Variants in SLC44A5 observed in about 807,000 individuals in gnomAD.
The protein encoded by SLC44A5 is solute carrier family 44 member 5, also known as choline transporter-like protein 5.
In SLC44A5, 57 loss-of-function variants were observed where a neutral mutation model predicts 101.8. That is an observed-to-expected ratio of 0.56 (90% CI 0.45 to 0.70). The LOEUF (loss-of-function observed/expected upper bound fraction) is 0.70. SLC44A5 is among the 30% of genes least tolerant of loss of function. SLC44A5 has a pLI of 0.00. For synonymous variants in SLC44A5, 281 were observed against 290.9 expected, an observed-to-expected ratio of 0.97 and a Z score of 0.35; for missense variants, 737 against 853.1, an observed-to-expected ratio of 0.86 and a Z score of 1.70.
At chr1:75,682,834 G>A in the SLC44A5 span, among the ~76,000 whole-genome samples, 3 of 152,062 alleles carry the variant, frequency 2.0e-5, no homozygotes, top group Non-Finnish European at 4.4e-5. Flanking sequence ...CAAAATGGGA[G>A]AAAATTTTCG....
chr1:75,480,414 A>C (rs1667763826), intron 2 of SLC44A5, among the ~76,000 whole-genome samples: 1 of 152,222 alleles, frequency 6.6e-6, no homozygotes, highest in Admixed American at 6.5e-5. Context: ...GCAATTAGGC[A>C]GGAGAAGGAA....
At chr1:75,579,826 T>TAACACACACACACACACAC (rs1553209307) in intron 1 of SLC44A5, among the ~76,000 whole-genome samples, 1 of 149,962 alleles carries the variant, frequency 6.7e-6, no homozygotes, top group East Asian at 2.0e-4. Flanking sequence ...TTCAACTATC[T>TAACACACACACACACACAC]ACACACACAC....
At chr1:75,433,712 C>A (rs1333874680) in intron 2 of SLC44A5, among the ~76,000 whole-genome samples, 3 of 152,152 alleles carry the variant, frequency 2.0e-5, no homozygotes, top group African/African-American at 4.8e-5. Context: ...TCAAACTAAA[C>A]AGATCTGAAA....
At chr1:75,520,240 A>G (rs1047332438) in intron 2 of SLC44A5, among the ~76,000 whole-genome samples, 3 of 152,160 alleles carry the variant, frequency 2.0e-5, no homozygotes, top group Admixed American at 6.5e-5. Flanking sequence ...TGATGTTGCA[A>G]TCCAGCTACC....
intron 2 of SLC44A5, among the ~76,000 whole-genome samples, chr1:75,411,208 T>A (rs2101508677): frequency 6.6e-6 from 1 of 152,212 alleles, no homozygotes. Flanking sequence ...CTCATTTCAA[T>A]GTATCAATTT....
intron 1 of SLC44A5, among the ~76,000 whole-genome samples, chr1:75,573,214 A>T (rs903137197): frequency 1.3e-5 from 2 of 150,004 alleles, no homozygotes; most frequent in Admixed American, 6.7e-5. Flanking sequence ...TTAGAAATAT[A>T]GATATAACAA....
the SLC44A5 span, among the ~76,000 whole-genome samples, chr1:75,723,021 T>C: frequency 1.3e-5 from 2 of 152,212 alleles, no homozygotes; most frequent in African/African-American, 4.8e-5. Flanking sequence ...TGTTTTTACC[T>C]TTCTCAGCAT....
At chr1:75,413,777 G>C (rs1384123677) in intron 2 of SLC44A5, among the ~76,000 whole-genome samples, 4 of 152,166 alleles carry the variant, frequency 2.6e-5, no homozygotes, top group African/African-American at 9.7e-5. Context: ...CAATGGCACA[G>C]TTTTAAGAAA....
chr1:75,283,344 T>G (rs1446309175), intron 5 of SLC44A5, among the ~76,000 whole-genome samples: 1 of 152,120 alleles, frequency 6.6e-6, no homozygotes, highest in Non-Finnish European at 1.5e-5. Context: ...TTGATCAGAT[T>G]CTTTGGTGTT....
At chr1:75,390,172 T>C (rs903368517) in intron 3 of SLC44A5, among the ~76,000 whole-genome samples, 2 of 151,990 alleles carry the variant, frequency 1.3e-5, no homozygotes, top group African/African-American at 4.8e-5. Flanking sequence ...ACAAAAAATG[T>C]ACCAACCAAA....
At chr1:75,488,025 G>A (rs552390953) in intron 2 of SLC44A5, among the ~76,000 whole-genome samples, 5 of 152,288 alleles carry the variant, frequency 3.3e-5, no homozygotes, top group African/African-American at 9.6e-5. Context: ...GGGGATCTAC[G>A]TTGTATGCTT....
the SLC44A5 span, among the ~76,000 whole-genome samples, chr1:75,653,141 C>T: frequency 6.8e-4 from 103 of 152,216 alleles, no homozygotes; most frequent in South Asian, 1.9e-3. Flanking sequence ...AATAAACATG[C>T]CTTCAAGTTT....
chr1:75,206,968 C>T (rs1646760153), intron 23 of SLC44A5, among the ~76,000 whole-genome samples: 1 of 152,074 alleles, frequency 6.6e-6, no homozygotes, highest in Admixed American at 6.5e-5. Flanking sequence ...ACTTTAAAGG[C>T]TAAGAAGATA....
At chr1:75,722,436 G>C in the SLC44A5 span, among the ~76,000 whole-genome samples, 1 of 152,192 alleles carries the variant, frequency 6.6e-6, no homozygotes, top group African/African-American at 2.4e-5. Flanking sequence ...GCAGCAAACT[G>C]TTTCTCATAA....
At chr1:75,720,999 A>G in the SLC44A5 span, among the ~76,000 whole-genome samples, 2 of 152,306 alleles carry the variant, frequency 1.3e-5, no homozygotes, top group Admixed American at 6.5e-5. Context: ...TGTGGAGACC[A>G]AAGTTCTTAT....
In SLC44A5 at chr1:75,500,233, T is replaced by A. The variant is rs780575114; in HGVS notation, c.13+41202A>T. On this transcript the variant is annotated intron_variant, in intron 2 of 23. Transcript: ENST00000370859. ...AATAAGAGCAACTATTCTATCACAA[T>A]CAATACTGAAAGTCATGCATCAAAA... is the stretch of plus-strand genomic sequence containing the variant. 3.3e-5 allele frequency among the ~76,000 whole-genome samples: 5 copies of A among 152,328 alleles called. No individual in the cohort carries two copies. The South Asian group carries it at 6.2e-4, about 19-fold the overall frequency.
At chr1:75,534,288 A>T (rs190198267) in intron 2 of SLC44A5, among the ~76,000 whole-genome samples, 3 of 152,326 alleles carry the variant, frequency 2.0e-5, no homozygotes, top group Admixed American at 1.3e-4. Context: ...AAAGAAAAAA[A>T]AAATAAAGCC....
At chr1:75,362,336 C>A (rs1257980476) in intron 3 of SLC44A5, among the ~76,000 whole-genome samples, 1 of 151,504 alleles carries the variant, frequency 6.6e-6, no homozygotes, top group Non-Finnish European at 1.5e-5. Context: ...TAACTTGAGG[C>A]TTATTTTGTT....
intron 1 of SLC44A5, among the ~76,000 whole-genome samples, chr1:75,554,574 G>A (rs1672118956): frequency 6.6e-6 from 1 of 151,480 alleles, no homozygotes; most frequent in Admixed American, 6.6e-5. Flanking sequence ...GAAACAACAA[G>A]ATACATTTGA....
Sources: allele counts gnomAD v4.1 joint callset (sites outside exome capture counted in the v4.1 genomes callset), GRCh38; gene constraint gnomAD v4.1.1; transcripts MANE v1.5; gene names NCBI Gene and HGNC (gene_info 2026-07-23, HGNC 2026-07-21).